Variants in UVSSA observed in about 807,000 individuals in gnomAD.
UVSSA encodes UV stimulated scaffold protein A.
In UVSSA, 72 loss-of-function variants were observed where a neutral mutation model predicts 73.9. That is an observed-to-expected ratio of 0.97 (90% CI 0.81 to 1.19). UVSSA has a LOEUF of 1.19. UVSSA is among the 50% of genes most tolerant of loss of function. UVSSA has a pLI of 0.00. For missense variants in UVSSA, 1,150 were observed against 965.0 expected (o/e 1.19, Z -2.54); for synonymous variants, 454 against 391.3 (o/e 1.16, Z -1.89).
intron 5 of UVSSA, chr4:1,354,432 G>T: frequency 2.4e-6 from 1 of 410,082 alleles, no homozygotes; most frequent in Admixed American, 3.6e-5. Context: ...TGGGGGCGGT[G>T]AGTAGAAGAG....
At chr4:1,370,128 A>G (rs1427463361) in intron 8 of UVSSA, among the ~76,000 whole-genome samples, 3 of 151,632 alleles carry the variant, frequency 2.0e-5, no homozygotes, top group Non-Finnish European at 4.4e-5. Flanking sequence ...GTTTAAAACA[A>G]CAAATCGATG....
intron 6 of UVSSA, 86 bp downstream of exon 6, chr4:1,354,933 G>A: frequency 6.5e-7 from 1 of 1,538,260 alleles, no homozygotes; most frequent in African/African-American, 1.4e-5. Context: ...GGGGGACTGT[G>A]GCCCGGTGAC....
At chr4:1,372,681 TCAGG>T (rs1560468547) in intron 8 of UVSSA, among the ~76,000 whole-genome samples, 64 of 135,220 alleles carry the variant, frequency 4.7e-4, no homozygotes, top group African/African-American at 1.9e-3. Context: ...CTCCCGCGTC[TCAGG>T]GCACTCACGT....
At chr4:1,361,491 G>A (rs556142035) in intron 7 of UVSSA, among the ~76,000 whole-genome samples, 22 of 152,388 alleles carry the variant, frequency 1.4e-4, no homozygotes, top group African/African-American at 5.3e-4. Context: ...CAGAGGTGAG[G>A]ACACGCCTAT....
chr4:1,380,633 AG>A, intron 11 of UVSSA: 1 of 1,517,102 alleles, frequency 6.6e-7, no homozygotes, highest in East Asian at 2.6e-5. Flanking sequence ...TGGATGAGGG[AG>A]GCCTAGACTT....
chr4:1,345,558 T>C (rs1713598181), upstream of UVSSA, among the ~76,000 whole-genome samples: 1 of 144,616 alleles, frequency 6.9e-6, no homozygotes, highest in Non-Finnish European at 1.5e-5. Flanking sequence ...GGCAGGAGAA[T>C]CGTTTGAACC....
At chr4:1,379,968 C>G (rs1719269937) in intron 10 of UVSSA, 79 bp from the exon 11 acceptor site, 17 of 1,489,310 alleles carry the variant, frequency 1.1e-5, no homozygotes, top group Non-Finnish European at 1.8e-6. Context: ...GTTTGGCCTT[C>G]CCCTGTGCCT....
intron 8 of UVSSA, among the ~76,000 whole-genome samples, chr4:1,371,146 T>G (rs1717978595): frequency 6.6e-6 from 1 of 152,142 alleles, no homozygotes; most frequent in Non-Finnish European, 1.5e-5. Flanking sequence ...CTGTAAGTAC[T>G]TGTGTGTGGA....
Position 1,387,932 on chromosome 4 carries a change from C to T in UVSSA, c.*1971C>T, listed in dbSNP as rs137960699. 64 of 148,444 alleles carry T rather than the reference C, an allele frequency of 4.3e-4. No individual in the cohort carries two copies. The highest frequency in any genetic ancestry group is 1.6e-3 in the African/African-American group (63 of 40,240). 9.2% of individuals were successfully genotyped at this position (148,444 alleles called of 1,614,324 possible). On this transcript the variant is annotated 3_prime_UTR_variant, in exon 14 of 14. Coordinates refer to ENST00000389851, the MANE Select transcript of UVSSA (RefSeq NM_020894.4). ...TTCCAAATGAATTTTAGGATCCACT[C>T]ATCAGTTTCTTCAAAAAAAAAAAAA...
At chr4:1,342,631 CT>C (rs1271123168), upstream of UVSSA, among the ~76,000 whole-genome samples, 1 of 152,166 alleles carries the variant, frequency 6.6e-6, no homozygotes, top group Non-Finnish European at 1.5e-5. Context: ...GCTTTTAAGT[CT>C]GTAACACATC....
intron 8 of UVSSA, among the ~76,000 whole-genome samples, chr4:1,366,902 C>T (rs1717403640): frequency 6.6e-6 from 1 of 152,214 alleles, no homozygotes; most frequent in African/African-American, 2.4e-5. Context: ...AAAGGTCTCA[C>T]TCACGAGGGT....
chr4:1,345,299 C>G (rs1293253630), upstream of UVSSA, among the ~76,000 whole-genome samples: 1 of 152,064 alleles, frequency 6.6e-6, no homozygotes, highest in African/African-American at 2.4e-5. Flanking sequence ...AAGAGAGAAG[C>G]CCAAGTGAGT....
At chr4:1,380,289 AG>A (rs1719324583) in intron 11 of UVSSA, 59 bp downstream of exon 11, 4 of 1,552,570 alleles carry the variant, frequency 2.6e-6, no homozygotes, top group Non-Finnish European at 2.6e-6. Flanking sequence ...GGGCAGCCAG[AG>A]GGGTGCTGAG....
intron 4 of UVSSA, among the ~76,000 whole-genome samples, chr4:1,352,553 G>T (rs1367917399): frequency 6.6e-6 from 1 of 152,244 alleles, no homozygotes; most frequent in Non-Finnish European, 1.5e-5. Context: ...GGGAAGTGCA[G>T]GTGGGCTGAC....
At chr4:1,383,192 G>C (rs138227760) in intron 12 of UVSSA, among the ~76,000 whole-genome samples, 1 of 152,214 alleles carries the variant, frequency 6.6e-6, no homozygotes, top group African/African-American at 2.4e-5. Flanking sequence ...TTCTGTCTAG[G>C]AGAGCCCCAG....
At chr4:1,364,974 G>A (rs770400933) in intron 7 of UVSSA, among the ~76,000 whole-genome samples, 14 of 152,204 alleles carry the variant, frequency 9.2e-5, no homozygotes, top group Admixed American at 7.9e-4. Context: ...TGGGGGCTGC[G>A]TGCGAGCTCC....
chr4:1,363,650 T>C (rs1716943317), intron 7 of UVSSA, among the ~76,000 whole-genome samples: 1 of 152,232 alleles, frequency 6.6e-6, no homozygotes, highest in African/African-American at 2.4e-5. Flanking sequence ...CTTTCATAAA[T>C]TCCTGGCAGA....
At chr4:1,343,882 T>A (rs1190121403), upstream of UVSSA, among the ~76,000 whole-genome samples, 1 of 152,222 alleles carries the variant, frequency 6.6e-6, no homozygotes, top group Non-Finnish European at 1.5e-5. Context: ...CTATAACAGT[T>A]CCTGGACTGC....
Position 1,380,113 on chromosome 4 carries a change from C to G in UVSSA, c.1635C>G (p.Ile545Met). ...AGGAGGAAGTGGTCAATGCCGACAT[C>G]TCCGAGATGCTCCGGAGCCGCCACA... ...EVEEEVVNADISEMLRSRHIT... is the reference protein window; with the variant it reads ...EVEEEVVNADMSEMLRSRHIT... Residue 545 changes from isoleucine (I) to methionine (M), a missense_variant, in exon 11 of 14, where the codon ATC becomes ATG. Ile to Met is a conservative substitution (Grantham distance 10). Coordinates refer to ENST00000389851, the MANE Select transcript of UVSSA (RefSeq NM_020894.4). The G allele has an allele frequency of 6.2e-7, 1 of 1,612,818 alleles. No individual in the cohort carries two copies. Among genetic ancestry groups the G allele is most frequent in the Non-Finnish European group, 8.5e-7 (1 of 1,179,886 alleles).
Sources: allele counts gnomAD v4.1 joint callset (sites outside exome capture counted in the v4.1 genomes callset), GRCh38; gene constraint gnomAD v4.1.1; transcripts MANE v1.5; gene names NCBI Gene and HGNC (gene_info 2026-07-23, HGNC 2026-07-21).